EFCAB13: variants seen among roughly 807,000 people sequenced by gnomAD.
The protein encoded by EFCAB13 is EF-hand calcium-binding domain-containing protein 13.
In EFCAB13, 91 loss-of-function variants were observed where a neutral mutation model predicts 110.2. The observed-to-expected ratio is 0.83, with a 90% CI of 0.70 to 0.98. The LOEUF (loss-of-function observed/expected upper bound fraction) is 0.98, where lower values mean the gene tolerates loss of function less well. Among genes scored for constraint, EFCAB13 ranks in the 50% least tolerant of loss-of-function variants. The pLI, the probability that EFCAB13 is intolerant of heterozygous loss-of-function variation, is 0.00. For synonymous variants in EFCAB13, 323 were observed against 369.9 expected (o/e 0.87, Z 1.45); for missense variants, 968 against 1,119.4 (o/e 0.86, Z 1.93).
intron 2 of EFCAB13, among the ~76,000 whole-genome samples, chr17:47,325,825 A>C (rs1030461821): frequency 1.6e-4 from 24 of 148,464 alleles, no homozygotes; most frequent in African/African-American, 5.7e-4. Flanking sequence ...TACTTATTGC[A>C]GATAACATAC....
intron 11 of EFCAB13, among the ~76,000 whole-genome samples, chr17:47,371,540 G>A (rs1389514334): frequency 1.3e-5 from 2 of 152,088 alleles, no homozygotes; most frequent in Admixed American, 6.5e-5. Flanking sequence ...TTTGTTGGGT[G>A]TAAACCAACA....
At chr17:47,422,208 G>A (rs1380328177) in intron 23 of EFCAB13, among the ~76,000 whole-genome samples, 4 of 152,106 alleles carry the variant, frequency 2.6e-5, no homozygotes, top group Non-Finnish European at 5.9e-5. Flanking sequence ...CATCTTAATA[G>A]ATGTAGAAAA....
chr17:47,325,962 A>ATATATG (rs2065283472), intron 2 of EFCAB13, among the ~76,000 whole-genome samples: 7 of 107,124 alleles, frequency 6.5e-5, no homozygotes, highest in East Asian at 2.8e-4. Context: ...ATATATATAT[A>ATATATG]GCATATATAT....
rs769902569 is a variant in EFCAB13 at position 47,328,296 on chromosome 17, A to T, written c.-58A>T. 1 of 1,437,886 alleles carries T rather than the reference A, an allele frequency of 7.0e-7. No homozygotes were observed. The highest frequency in any genetic ancestry group is 1.2e-5 in the South Asian group (1 of 86,666). The allele number at this position is 1,437,886 out of a possible 1,614,324, so 89.1% of individuals were successfully genotyped here. On this transcript the variant is annotated 5_prime_UTR_variant, in exon 4 of 25. Transcript: ENST00000331493. ...AATCCTTTTGTACTATTGCTCATTCATACTTGTTCATCAAAGCCTGGAGTC... is the reference window on the plus strand; with the variant it reads ...AATCCTTTTGTACTATTGCTCATTCTTACTTGTTCATCAAAGCCTGGAGTC...
chr17:47,429,275 A>G (rs1322255483), intron 23 of EFCAB13, among the ~76,000 whole-genome samples: 1 of 152,198 alleles, frequency 6.6e-6, no homozygotes, highest in Non-Finnish European at 1.5e-5. Flanking sequence ...AAGGTAACAT[A>G]ACTTTAAGTT....
At chr17:47,432,483 T>C (rs1037509822) in intron 24 of EFCAB13, among the ~76,000 whole-genome samples, 3 of 152,118 alleles carry the variant, frequency 2.0e-5, no homozygotes, top group East Asian at 1.9e-4. Context: ...TCTCAACTAC[T>C]TGGGGGGTTG....
chr17:47,379,729 C>T (rs1268184678), intron 14 of EFCAB13, among the ~76,000 whole-genome samples: 8 of 151,526 alleles, frequency 5.3e-5, no homozygotes, highest in Non-Finnish European at 7.4e-5. Context: ...TACCACAATA[C>T]GCTTTTGTTG....
intron 24 of EFCAB13, among the ~76,000 whole-genome samples, chr17:47,434,753 G>C (rs1297662061): frequency 3.9e-5 from 6 of 152,032 alleles, no homozygotes; most frequent in Admixed American, 1.3e-4. Context: ...ACAGCCAACT[G>C]ATCTTCGACA....
intron 5 of EFCAB13, among the ~76,000 whole-genome samples, chr17:47,339,198 C>T (rs924415319): frequency 3.3e-5 from 5 of 152,078 alleles, no homozygotes; most frequent in Admixed American, 2.0e-4. Context: ...TTACTTGAAG[C>T]ACTTTCTAAG....
intron 23 of EFCAB13, among the ~76,000 whole-genome samples, chr17:47,418,546 T>C (rs983738318): frequency 6.6e-6 from 1 of 152,230 alleles, no homozygotes; most frequent in Non-Finnish European, 1.5e-5. Context: ...TCTTTTTTCT[T>C]TCCTGATGTC....
intron 6 of EFCAB13, among the ~76,000 whole-genome samples, chr17:47,342,506 T>G (rs532666126): frequency 5.9e-5 from 9 of 152,328 alleles, no homozygotes; most frequent in African/African-American, 2.2e-4. Flanking sequence ...CAAATACATT[T>G]TCTCCAAATA....
chr17:47,387,040 G>C (rs1294279704), intron 14 of EFCAB13, among the ~76,000 whole-genome samples: 2 of 152,184 alleles, frequency 1.3e-5, no homozygotes, highest in East Asian at 1.9e-4. Flanking sequence ...CCGGCCTTCT[G>C]TGTTGGTCTT....
Position 47,347,930 on chromosome 17 carries a change from C to T in EFCAB13, c.640C>T (p.Leu214=). 1 of 1,521,968 alleles carries T rather than the reference C, an allele frequency of 6.6e-7. No homozygotes were observed. The highest frequency in any genetic ancestry group is 1.4e-5 in the South Asian group (1 of 73,666). 94.3% of individuals were successfully genotyped at this position (1,521,968 alleles called of 1,614,324 possible). The part of the protein sequence containing the change: ...SISDLEMRQA[L]KTVDIDAFQD... ...AAGTGATTTAGAAATGCGACAGGCA[C>T]TAAAGACTGTTGATATTGATGGTAA... The change falls in exon 9 of 25, where the codon CTA becomes TTA. Residue 214 remains leucine, a synonymous_variant. Coordinates refer to ENST00000331493, the MANE Select transcript of EFCAB13 (RefSeq NM_152347.5).
chr17:47,350,517 A>T (rs1265852594), intron 9 of EFCAB13, among the ~76,000 whole-genome samples: 2 of 152,156 alleles, frequency 1.3e-5, no homozygotes, highest in Non-Finnish European at 2.9e-5. Context: ...TTCCCAGGCA[A>T]GAACCACATA....
intron 24 of EFCAB13, among the ~76,000 whole-genome samples, chr17:47,435,600 T>G (rs1905197192): frequency 6.6e-6 from 1 of 152,174 alleles, no homozygotes; most frequent in Non-Finnish European, 1.5e-5. Context: ...ACTTGGTCAC[T>G]GTTGGTGTAT....
intron 24 of EFCAB13, among the ~76,000 whole-genome samples, chr17:47,434,173 A>G (rs1232617865): frequency 6.6e-6 from 1 of 152,136 alleles, no homozygotes; most frequent in African/African-American, 2.4e-5. Flanking sequence ...GATTCATCCA[A>G]AAAGATCCTA....
intron 23 of EFCAB13, among the ~76,000 whole-genome samples, chr17:47,422,914 TAGCC>T (rs1403745027): frequency 5.9e-5 from 9 of 152,130 alleles, no homozygotes; most frequent in Non-Finnish European, 7.4e-5. Flanking sequence ...AGGGCCAAAA[TAGCC>T]AGGGCAAAGT....
chr17:47,392,758 T>C (rs1038735176), intron 15 of EFCAB13, among the ~76,000 whole-genome samples: 3 of 152,142 alleles, frequency 2.0e-5, no homozygotes, highest in Non-Finnish European at 4.4e-5. Flanking sequence ...AGAACTAAGG[T>C]TTAGAAAAAA....
rs918044298 is a variant in EFCAB13 at position 47,393,960 on chromosome 17, T to G, written c.1727-65T>G. On this transcript the variant is annotated intron_variant, in intron 15 of 24. Transcript: ENST00000331493. ...TTCTGAATATATAACGTATTTTATA[T>G]AATTCAATATTTTTCATAATAATAC... is the stretch of plus-strand genomic sequence containing the variant. 4.8e-6 allele frequency: 4 copies of G among 838,004 alleles called. No homozygotes were observed. In the African/African-American group the frequency reaches 7.1e-5, roughly 15 times the overall value. 51.9% of individuals were successfully genotyped at this position (838,004 alleles called of 1,614,324 possible). A position where few individuals can be genotyped will look rare whatever the true frequency, so the allele number is the denominator to read the frequency against.
Sources: gnomAD v4.1 joint callset for allele counts (sites outside exome capture counted in the v4.1 genomes callset) on GRCh38, gnomAD v4.1.1 for gene constraint, MANE v1.5 for transcripts, NCBI Gene and HGNC (gene_info 2026-07-23, HGNC 2026-07-21) for gene names.